RBFOX1: variants seen among roughly 807,000 people sequenced by gnomAD.
RBFOX1 encodes the protein RNA binding protein fox-1 homolog 1.
In RBFOX1, 8 loss-of-function variants were observed where a neutral mutation model predicts 57.7. That is an observed-to-expected ratio of 0.14 (90% CI 0.08 to 0.25). The LOEUF (loss-of-function observed/expected upper bound fraction) is 0.25, where lower values mean the gene tolerates loss of function less well. Ranked by LOEUF, RBFOX1 falls within the 10% of genes least tolerant of loss-of-function variation. The pLI, the probability that RBFOX1 is intolerant of heterozygous loss-of-function variation, is 1.00. For synonymous variants in RBFOX1, 326 were observed against 222.4 expected (o/e 1.47, Z -4.15); for missense variants, 611 against 548.5 (o/e 1.11, Z -1.14).
chr16:7,280,985 C>CCTTCCT (rs2095531781), intron 4 of RBFOX1, among the ~76,000 whole-genome samples: 1 of 109,608 alleles, frequency 9.1e-6, no homozygotes, highest in Non-Finnish European at 1.8e-5. Context: ...CCCTCCCTCC[C>CCTTCCT]TCCCTCCTTC....
In RBFOX1 at chr16:6,483,262, C is replaced by T. The variant is rs1174532936; in HGVS notation, c.-64+166205C>T. The T allele has an allele frequency of 2.6e-5, 34 of 1,306,112 alleles. No homozygotes were observed. In the East Asian group the frequency reaches 1.1e-3, roughly 42 times the overall value. The allele number at this position is 1,306,112 out of a possible 1,614,324, so 80.9% of individuals were successfully genotyped here. On this transcript the variant is annotated intron_variant, in intron 2 of 15. Coordinates refer to ENST00000550418, the MANE Select transcript of RBFOX1 (RefSeq NM_018723.4). ...CGCCGTGGCCTCCCTTTGTGCGCGC[C>T]CGGGTGTTGATTGCCTCCTTGCACG...
chr16:6,958,713 G>C (rs1266305884), intron 3 of RBFOX1, among the ~76,000 whole-genome samples: 1 of 152,130 alleles, frequency 6.6e-6, no homozygotes, highest in Admixed American at 6.5e-5. Context: ...CCCTCTTCAT[G>C]TTAGTTTTAT....
chr16:6,079,320 A>T (rs147161540), intron 1 of RBFOX1, among the ~76,000 whole-genome samples: 158 of 152,166 alleles, frequency 1.0e-3, no homozygotes, highest in African/African-American at 3.4e-3. Context: ...TAAAAAATAA[A>T]ATAAATAGGG....
intron 1 of RBFOX1, among the ~76,000 whole-genome samples, chr16:5,388,772 T>G (rs1036751887): frequency 3.3e-5 from 5 of 151,978 alleles, no homozygotes; most frequent in African/African-American, 1.2e-4. Flanking sequence ...AGACAGGGTT[T>G]CACCATATTG....
rs1238893509 is a variant in RBFOX1, at chr16:7,277,724, CA to C, written c.27+225627del. 3.3e-5 allele frequency among the ~76,000 whole-genome samples: 5 copies of C among 152,138 alleles called. No individual in the cohort carries two copies. In the South Asian group the frequency reaches 1.0e-3, roughly 32 times the overall value. On this transcript the variant is annotated intron_variant, in intron 4 of 15. Coordinates refer to ENST00000550418, the MANE Select transcript of RBFOX1 (RefSeq NM_018723.4). ...TCAAAGCCAAGGACTTCTATAGGCA[CA>C]GAATGGTCAAGATATTTATTCAGCA...
At chr16:5,923,884 T>C (rs1433539190) in intron 4 of RBFOX1, among the ~76,000 whole-genome samples, 1 of 152,182 alleles carries the variant, frequency 6.6e-6, no homozygotes, top group Non-Finnish European at 1.5e-5. Context: ...GTCCTTTCCC[T>C]AATTCTTAGA....
intron 1 of RBFOX1, among the ~76,000 whole-genome samples, chr16:6,219,286 C>T (rs924969639): frequency 5.3e-5 from 8 of 151,314 alleles, no homozygotes; most frequent in Admixed American, 2.0e-4. Flanking sequence ...CTGGGCAACA[C>T]TGGGAGACTG....
chr16:6,046,559 T>G (rs1303644788), intron 1 of RBFOX1, among the ~76,000 whole-genome samples: 1 of 152,092 alleles, frequency 6.6e-6, no homozygotes, highest in Non-Finnish European at 1.5e-5. Context: ...ATATTAAACA[T>G]TACCGTATTA....
At chr16:5,321,957 A>G (rs372369655) in intron 1 of RBFOX1, among the ~76,000 whole-genome samples, 3 of 152,240 alleles carry the variant, frequency 2.0e-5, no homozygotes, top group East Asian at 1.9e-4. Context: ...TGTGTCCTTT[A>G]CAGACTCCCT....
Position 5,698,492 on chromosome 16 carries a change from T to C in RBFOX1, c.318+99531T>C, listed in dbSNP as rs573464787. ...TTTCTAGAAAACTGTACATGTAATA[T>C]ACTAGTTTTTGTTTTTTGTACAGAG... On this transcript the variant is annotated intron_variant, in intron 3 of 19. Coordinates refer to the RBFOX1 transcript ENST00000641259. Among the ~76,000 whole-genome samples, 6 of 152,348 alleles carry C rather than the reference T, an allele frequency of 3.9e-5. No homozygotes were observed. In the South Asian group the frequency reaches 1.0e-3, roughly 26 times the overall value.
At chr16:5,745,409 G>C (rs1263310589) in intron 3 of RBFOX1, among the ~76,000 whole-genome samples, 1 of 152,168 alleles carries the variant, frequency 6.6e-6, no homozygotes, top group East Asian at 1.9e-4. Flanking sequence ...ACATATGTGT[G>C]CATGTGTCTT....
intron 3 of RBFOX1, among the ~76,000 whole-genome samples, chr16:6,867,104 T>C (rs1311471565): frequency 6.6e-6 from 1 of 152,034 alleles, no homozygotes; most frequent in Non-Finnish European, 1.5e-5. Flanking sequence ...ACACTTCCAG[T>C]GGGAATTTCT....
At chr16:5,729,157 C>T (rs2052264662) in intron 3 of RBFOX1, among the ~76,000 whole-genome samples, 2 of 152,220 alleles carry the variant, frequency 1.3e-5, no homozygotes, top group Admixed American at 6.5e-5. Flanking sequence ...CTAATTCTGT[C>T]ACTTACAAAC....
At chr16:5,561,342 A>C (rs1005953367) in intron 2 of RBFOX1, among the ~76,000 whole-genome samples, 2 of 152,204 alleles carry the variant, frequency 1.3e-5, no homozygotes, top group Admixed American at 6.5e-5. Context: ...GGTGTCAGCA[A>C]ACTTGGCTAA....
intron 3 of RBFOX1, among the ~76,000 whole-genome samples, chr16:6,955,503 G>T (rs914192351): frequency 6.6e-6 from 1 of 151,192 alleles, no homozygotes; most frequent in East Asian, 1.9e-4. Context: ...GAATCTCACG[G>T]AATTAAATTA....
chr16:6,869,868 T>A (rs2060567539), intron 3 of RBFOX1, among the ~76,000 whole-genome samples: 1 of 152,160 alleles, frequency 6.6e-6, no homozygotes. Flanking sequence ...GGGAATCTGT[T>A]CAGAACGTAT....
intron 2 of RBFOX1, among the ~76,000 whole-genome samples, chr16:6,578,884 G>C (rs1282787851): frequency 6.6e-6 from 1 of 151,898 alleles, no homozygotes; most frequent in Non-Finnish European, 1.5e-5. Context: ...TGGGGACTTG[G>C]GGGAAAGGGT....
chr16:7,147,292 A>C (rs1480026387), intron 4 of RBFOX1, among the ~76,000 whole-genome samples: 1 of 151,592 alleles, frequency 6.6e-6, no homozygotes, highest in African/African-American at 2.4e-5. Context: ...GGCATGAGCC[A>C]CCACACCTGG....
chr16:6,590,538 C>G (rs8054730), intron 2 of RBFOX1, among the ~76,000 whole-genome samples: 1 of 152,126 alleles, frequency 6.6e-6, no homozygotes, highest in African/African-American at 2.4e-5. Flanking sequence ...TGAGAGCCCC[C>G]TGCGACTAGT....
Sources: allele counts gnomAD v4.1 joint callset (sites outside exome capture counted in the v4.1 genomes callset), GRCh38; gene constraint gnomAD v4.1.1; transcripts MANE v1.5; gene names NCBI Gene and HGNC (gene_info 2026-07-23, HGNC 2026-07-21).